The following TIAM1 variants were observed in gnomAD, a reference collection of about 807,000 sequenced individuals.
TIAM1 encodes the protein rho guanine nucleotide exchange factor TIAM1.
A neutral mutation model predicts 163.5 loss-of-function variants in TIAM1; 65 were observed. The observed-to-expected ratio is 0.40, with a 90% CI of 0.33 to 0.49. The LOEUF (loss-of-function observed/expected upper bound fraction) is 0.49. Ranked by LOEUF, TIAM1 falls within the 20% of genes least tolerant of loss-of-function variation. The pLI is 0.77. For synonymous variants in TIAM1, 833 were observed against 810.1 expected, an observed-to-expected ratio of 1.03 and a Z score of -0.48; for missense variants, 1,789 against 2,044.7, an observed-to-expected ratio of 0.87 and a Z score of 2.41.
intron 16 of TIAM1, chr21:31,160,654 T>C: frequency 2.5e-6 from 1 of 396,312 alleles, no homozygotes; most frequent in African/African-American, 2.1e-5. Flanking sequence ...GAGCATCCTC[T>C]CATATGGACG....
chr21:31,434,552 CTGGAAAGATCT>C, intron 2 of TIAM1, among the ~76,000 whole-genome samples: 1 of 152,242 alleles, frequency 6.6e-6, no homozygotes, highest in Non-Finnish European at 1.5e-5. Context: ...TGGTTAAGAG[CTGGAAAGATCT>C]CTTCTCAATA....
At chr21:31,248,381 A>C (rs948379620) in intron 5 of TIAM1, among the ~76,000 whole-genome samples, 2 of 152,308 alleles carry the variant, frequency 1.3e-5, no homozygotes, top group Middle Eastern at 3.4e-3. Flanking sequence ...AAGTGATTAA[A>C]ATCAGCTTTT....
intron 2 of TIAM1, among the ~76,000 whole-genome samples, chr21:31,350,122 T>C (rs1264053324): frequency 4.6e-5 from 7 of 152,122 alleles, no homozygotes; most frequent in Non-Finnish European, 8.8e-5. Context: ...TGGAGGTCCT[T>C]CCCAATGGGG....
At chr21:31,513,959 A>G (rs1002475199) in intron 1 of TIAM1, among the ~76,000 whole-genome samples, 1 of 152,200 alleles carries the variant, frequency 6.6e-6, no homozygotes, top group Non-Finnish European at 1.5e-5. Flanking sequence ...GTGAGCCGAG[A>G]TGGTGCCATC....
chr21:31,188,575 T>C (rs1226211275), intron 13 of TIAM1, among the ~76,000 whole-genome samples: 3 of 152,148 alleles, frequency 2.0e-5, no homozygotes, highest in Non-Finnish European at 2.9e-5. Flanking sequence ...CCAATTTTTT[T>C]GTTTGTTTGT....
At chr21:31,234,261 G>C (rs2088612740) in intron 6 of TIAM1, among the ~76,000 whole-genome samples, 1 of 148,532 alleles carries the variant, frequency 6.7e-6, no homozygotes. Flanking sequence ...ATAAACAAGT[G>C]AACAAAAAGT....
intron 2 of TIAM1, among the ~76,000 whole-genome samples, chr21:31,298,767 T>TGTGTGTGAGAGA (rs777256501): frequency 4.8e-5 from 6 of 125,858 alleles, no homozygotes; most frequent in African/African-American, 1.8e-4. Context: ...TGTGTGTGTG[T>TGTGTGTGAGAGA]GAGAAACAGA....
In TIAM1 at chr21:31,141,295, G is replaced by C; in HGVS notation, c.3655+30C>G. 2 of 1,613,750 alleles carry C rather than the reference G, an allele frequency of 1.2e-6. No individual in the cohort carries two copies. The highest frequency in any genetic ancestry group is 3.3e-4 in the Middle Eastern group (2 of 6,060). On this transcript the variant is annotated intron_variant, in intron 21 of 27. Transcript: ENST00000541036. This position sits in a 1 kb window ranked among gnomAD's most constrained non-coding sequence, Gnocchi z 4.7. ...TTTAGAGACCCTCATGGAGACTCAG[G>C]CCTGCCGGGGGTCCCAGGCCGAGGC...
At chr21:31,246,475 T>A (rs941575906) in intron 5 of TIAM1, among the ~76,000 whole-genome samples, 5 of 152,226 alleles carry the variant, frequency 3.3e-5, no homozygotes, top group Non-Finnish European at 7.3e-5. Flanking sequence ...CCAAACTAAC[T>A]GAAATCAATT....
chr21:31,239,909 G>C (rs994331124), intron 6 of TIAM1, among the ~76,000 whole-genome samples: 1 of 152,178 alleles, frequency 6.6e-6, no homozygotes, highest in Non-Finnish European at 1.5e-5. Context: ...TAATCATTTT[G>C]AAAACTGTTT....
At chr21:31,239,107 T>A (rs1037454122) in intron 6 of TIAM1, among the ~76,000 whole-genome samples, 1 of 151,966 alleles carries the variant, frequency 6.6e-6, no homozygotes, top group African/African-American at 2.4e-5. Flanking sequence ...ATAAAAACCA[T>A]GTCAGATGCA....
At position 31,161,448 on chromosome 21, in the gene TIAM1, T is replaced by A. The variant is rs955226239; in HGVS notation, c.2991+3514A>T. 3.9e-5 allele frequency among the ~76,000 whole-genome samples: 6 copies of A among 152,044 alleles called. No homozygotes were observed. In the South Asian group the frequency reaches 1.2e-3, roughly 32 times the overall value. On this transcript the variant is annotated intron_variant, in intron 16 of 27. Transcript: ENST00000541036. The stretch of plus-strand genomic sequence containing the variant: ...CTAGACTGTCCCTGCAGTGTGACAT[T>A]CCCCTGCCCCTCCCCAGCGGCTGTG...
At position 31,546,393 on chromosome 21, in the gene TIAM1, T is replaced by C. The variant is rs563018865; in HGVS notation, c.-422+12534A>G. ...GGCGAAACCCCATGTCTACTAAAAA[T>C]ACAAAAATGAGCCAGGCATGGTGGC... On this transcript the variant is annotated intron_variant, in intron 1 of 28. Transcript: ENST00000286827. Among the ~76,000 whole-genome samples, 24 of 151,576 alleles carry C rather than the reference T, an allele frequency of 1.6e-4. No homozygotes were observed. The South Asian group carries it at 4.6e-3, about 29-fold the overall frequency.
chr21:31,506,852 G>A (rs956683131), intron 1 of TIAM1, among the ~76,000 whole-genome samples: 2 of 152,182 alleles, frequency 1.3e-5, no homozygotes, highest in Non-Finnish European at 2.9e-5. Flanking sequence ...GGGAGGCAGA[G>A]GTTGCAGTGA....
chr21:31,269,214 A>G (rs1272693463), intron 3 of TIAM1, among the ~76,000 whole-genome samples: 1 of 152,250 alleles, frequency 6.6e-6, no homozygotes, highest in Admixed American at 6.5e-5. Context: ...AATGGCCCCA[A>G]CCTTCAAGAA....
At chr21:31,195,373 T>C in intron 12 of TIAM1, 68 bp from the exon 13 acceptor site, 7 of 1,147,684 alleles carry the variant, frequency 6.1e-6, no homozygotes, top group Non-Finnish European at 8.9e-6. Flanking sequence ...GGTCATCATT[T>C]CATAAATCTA....
intron 2 of TIAM1, among the ~76,000 whole-genome samples, chr21:31,449,535 C>A (rs1002384098): frequency 1.9e-4 from 29 of 152,066 alleles, no homozygotes; most frequent in African/African-American, 6.5e-4. Context: ...TGCGCCACCA[C>A]ACCCAGCTAA....
intron 6 of TIAM1, among the ~76,000 whole-genome samples, chr21:31,240,372 G>A (rs2146696652): frequency 6.6e-6 from 1 of 152,222 alleles, no homozygotes; most frequent in Admixed American, 6.5e-5. Flanking sequence ...AAAGACAAAT[G>A]GCTGAACTTC....
At chr21:31,408,445 C>T (rs915298581) in intron 2 of TIAM1, among the ~76,000 whole-genome samples, 1 of 152,064 alleles carries the variant, frequency 6.6e-6, no homozygotes. Context: ...CTCTCTTTCC[C>T]GAGTCAGCTA....
Sources: allele counts gnomAD v4.1 joint callset (sites outside exome capture counted in the v4.1 genomes callset), GRCh38; gene constraint gnomAD v4.1.1; non-coding constraint Gnocchi (gnomAD v3.1); transcripts MANE v1.5; gene names NCBI Gene and HGNC (gene_info 2026-07-23, HGNC 2026-07-21).